Variants in FARS2 observed in about 807,000 individuals in gnomAD.
FARS2 encodes phenylalanyl-tRNA synthetase 2, mitochondrial, also known as phenylalanine--tRNA ligase, mitochondrial.
FARS2 carries 40 observed loss-of-function variants against 46.4 expected under a neutral mutation model. The ratio of observed to expected loss-of-function variants is 0.86; its 90% confidence interval spans 0.67 to 1.12. The LOEUF (loss-of-function observed/expected upper bound fraction) is 1.12, where lower values mean the gene tolerates loss of function less well. Ranked by LOEUF, FARS2 falls within the 50% of genes most tolerant of loss-of-function variation. The probability of loss-of-function intolerance (pLI) is 0.00; values close to 1 mark genes in which losing one functional copy is unlikely to be tolerated. For synonymous variants in FARS2, 234 were observed against 214.9 expected (o/e 1.09, Z -0.78); for missense variants, 513 against 567.9 (o/e 0.90, Z 0.98).
chr6:5,679,137 A>G (rs1260793699), intron 6 of FARS2, among the ~76,000 whole-genome samples: 1 of 152,210 alleles, frequency 6.6e-6, no homozygotes, highest in Non-Finnish European at 1.5e-5. Context: ...TGAAGAGATG[A>G]CATGCTGCAA....
intron 3 of FARS2, among the ~76,000 whole-genome samples, chr6:5,425,907 G>A (rs974715791): frequency 8.1e-4 from 124 of 152,154 alleles, no homozygotes; most frequent in Admixed American, 2.0e-3. Flanking sequence ...CACTGGGTGA[G>A]GGCAATCATT....
chr6:5,327,165 A>G (rs1024802954), intron 1 of FARS2, among the ~76,000 whole-genome samples: 1 of 152,198 alleles, frequency 6.6e-6, no homozygotes, highest in Non-Finnish European at 1.5e-5. Flanking sequence ...CCCCTAACAA[A>G]AAAGGAAGGA....
intron 3 of FARS2, among the ~76,000 whole-genome samples, chr6:5,415,621 T>C (rs1762196438): frequency 6.6e-6 from 1 of 152,082 alleles, no homozygotes; most frequent in Admixed American, 6.5e-5. Context: ...CCTGCCTAAT[T>C]TGTGTTTTCT....
chr6:5,753,881 A>T (rs903094653), intron 6 of FARS2, among the ~76,000 whole-genome samples: 1 of 152,230 alleles, frequency 6.6e-6, no homozygotes, highest in African/African-American at 2.4e-5. Context: ...TGTCACATGC[A>T]GCTAGAGGGG....
At chr6:5,770,225 G>T (rs1283361672) in intron 6 of FARS2, among the ~76,000 whole-genome samples, 1 of 152,164 alleles carries the variant, frequency 6.6e-6, no homozygotes, top group African/African-American at 2.4e-5. Flanking sequence ...TTTGTTCAAG[G>T]CCCTGGTATT....
At chr6:5,578,912 T>A (rs1361746378) in intron 5 of FARS2, among the ~76,000 whole-genome samples, 2 of 152,154 alleles carry the variant, frequency 1.3e-5, no homozygotes, top group Non-Finnish European at 2.9e-5. Context: ...TCTACTGCCT[T>A]ATGACATTTC....
chr6:5,543,489 C>A (rs778540428), intron 4 of FARS2, among the ~76,000 whole-genome samples: 2 of 151,800 alleles, frequency 1.3e-5, no homozygotes. Context: ...CTCAGCCTCC[C>A]GAGTAGCTGG....
intron 3 of FARS2, among the ~76,000 whole-genome samples, chr6:5,422,553 G>C (rs1352527460): frequency 6.6e-6 from 1 of 152,152 alleles, no homozygotes; most frequent in African/African-American, 2.4e-5. Context: ...ACCTGGTTCT[G>C]ATCCTGGCAT....
rs555218405 is a variant in FARS2 at position 5,690,424 on chromosome 6, C to G, written c.1217+77104C>G. 5.2e-3 allele frequency among the ~76,000 whole-genome samples: 780 copies of G among 151,220 alleles called. 6 individuals are homozygous for G. Among genetic ancestry groups the G allele is most frequent in the African/African-American group, 0.018 (725 of 40,918 alleles). Reference sequence around the variant, plus strand: ...ACAAAATCTCTCAGCATTTGCTTGTCTGTAAAGGATTTTATTTCTCCTTCA... The same window carrying G: ...ACAAAATCTCTCAGCATTTGCTTGTGTGTAAAGGATTTTATTTCTCCTTCA... On this transcript the variant is annotated intron_variant, in intron 6 of 6. Transcript: ENST00000274680.
intron 6 of FARS2, among the ~76,000 whole-genome samples, chr6:5,741,654 GTTGT>G (rs1761349719): frequency 6.6e-6 from 1 of 152,118 alleles, no homozygotes; most frequent in Non-Finnish European, 1.5e-5. Context: ...GTTTTTTCCT[GTTGT>G]TTGTTTTTTT....
chr6:5,743,900 T>C (rs530263866), intron 6 of FARS2, among the ~76,000 whole-genome samples: 12 of 152,368 alleles, frequency 7.9e-5, no homozygotes, highest in Admixed American at 4.6e-4. Context: ...CATTGAGTGC[T>C]AATCACATAT....
At position 5,389,227 on chromosome 6, in the gene FARS2, T is replaced by G. The variant is rs542435244; in HGVS notation, c.613-15315T>G. Among the ~76,000 whole-genome samples the G allele has an allele frequency of 4.6e-5, 7 of 152,290 alleles. No homozygotes were observed. The East Asian group carries it at 1.3e-3, about 29-fold the overall frequency. On this transcript the variant is annotated intron_variant, in intron 2 of 6. Coordinates refer to ENST00000274680, the MANE Select transcript of FARS2 (RefSeq NM_006567.5). Reference sequence around the variant, plus strand: ...ATTCTTGGACAATGCAAAAATGCCTTGTAGTTTGAAAATGTTACATCAGTT... The same window carrying G: ...ATTCTTGGACAATGCAAAAATGCCTGGTAGTTTGAAAATGTTACATCAGTT...
chr6:5,638,323 G>C (rs1776643102), intron 6 of FARS2, among the ~76,000 whole-genome samples: 1 of 152,210 alleles, frequency 6.6e-6, no homozygotes, highest in Admixed American at 6.5e-5. Context: ...CCAGCACTTT[G>C]GGAGGCCGAG....
chr6:5,681,793 C>G (rs1229582606), intron 6 of FARS2, among the ~76,000 whole-genome samples: 2 of 152,216 alleles, frequency 1.3e-5, no homozygotes, highest in Non-Finnish European at 2.9e-5. Flanking sequence ...CTCCCCCTCC[C>G]TTCCTTCTCT....
At chr6:5,438,246 GC>G (rs111391099) in intron 4 of FARS2, among the ~76,000 whole-genome samples, 3,259 of 35,726 alleles carry the variant, frequency 0.091, 304 homozygotes, top group African/African-American at 0.25. Flanking sequence ...CCCACCCCCC[GC>G]CCCCCCCCCC....
At chr6:5,370,431 G>A (rs1379198737) in intron 2 of FARS2, among the ~76,000 whole-genome samples, 4 of 151,974 alleles carry the variant, frequency 2.6e-5, no homozygotes, top group South Asian at 2.1e-4. Context: ...TGATTAATAA[G>A]GATATAGATT....
At chr6:5,437,255 AT>A (rs1763576131) in intron 4 of FARS2, among the ~76,000 whole-genome samples, 1 of 152,090 alleles carries the variant, frequency 6.6e-6, no homozygotes, top group Middle Eastern at 3.2e-3. Context: ...ATTCCTTTTT[AT>A]TTGGAGTAGT....
At chr6:5,502,703 G>GTCATTCTCTCAAGTA (rs1767871908) in intron 4 of FARS2, among the ~76,000 whole-genome samples, 3 of 152,208 alleles carry the variant, frequency 2.0e-5, no homozygotes, top group African/African-American at 7.2e-5. Flanking sequence ...ATTTAGGTGA[G>GTCATTCTCTCAAGTA]ACAAGTAACT....
intron 1 of FARS2, among the ~76,000 whole-genome samples, chr6:5,348,703 C>T (rs1025843229): frequency 6.7e-6 from 1 of 149,480 alleles, no homozygotes; most frequent in African/African-American, 2.4e-5. Flanking sequence ...TAAATATAAT[C>T]TACCATTATC....
Sources: allele counts gnomAD v4.1 joint callset (sites outside exome capture counted in the v4.1 genomes callset), GRCh38; gene constraint gnomAD v4.1.1; transcripts MANE v1.5; gene names NCBI Gene and HGNC (gene_info 2026-07-23, HGNC 2026-07-21).